Variants in DACH1 observed in about 807,000 individuals in gnomAD.
DACH1 encodes the protein dachshund homolog 1.
Under a neutral mutation model 54.2 loss-of-function variants are expected in DACH1, and 12 were observed. That is an observed-to-expected ratio of 0.22 (90% CI 0.14 to 0.36). The LOEUF is 0.36. Among genes scored for constraint, DACH1 ranks in the 10% least tolerant of loss-of-function variants. The probability of loss-of-function intolerance (pLI) is 1.00; values close to 1 mark genes in which losing one functional copy is unlikely to be tolerated. For missense variants in DACH1, 805 were observed against 929.8 expected (o/e 0.87, Z 1.75); for synonymous variants, 386 against 366.2 (o/e 1.05, Z -0.62).
chr13:71,702,523 C>A lies in DACH1; in HGVS notation c.849-20613G>T, dbSNP rs143782241. ...TAATTACTTTAAATTTATTTTTCCT[C>A]TACATTGAAGCAGAAAATATTGTCA... On this transcript the variant is annotated intron_variant, in intron 1 of 10. Coordinates refer to ENST00000613252, the MANE Select transcript of DACH1 (RefSeq NM_080759.6). Among the ~76,000 whole-genome samples, 309 of 152,142 alleles carry A rather than the reference C, an allele frequency of 2.0e-3. 1 individual carries two copies. The highest frequency in any genetic ancestry group is 0.014 in the Middle Eastern group (4 of 292).
intron 1 of DACH1, among the ~76,000 whole-genome samples, chr13:71,846,723 G>T (rs573172413): frequency 9.2e-5 from 14 of 152,256 alleles, no homozygotes; most frequent in South Asian, 4.1e-4. Context: ...GAGATTTCTT[G>T]GGTTCTATTA....
At chr13:71,544,730 C>A (rs936400420) in intron 6 of DACH1, among the ~76,000 whole-genome samples, 4 of 152,038 alleles carry the variant, frequency 2.6e-5, no homozygotes, top group Non-Finnish European at 5.9e-5. Context: ...CACTGAAGAT[C>A]CAGTTGTAAA....
chr13:71,578,840 T>C (rs923610504), intron 3 of DACH1, among the ~76,000 whole-genome samples: 4 of 152,126 alleles, frequency 2.6e-5, no homozygotes, highest in Non-Finnish European at 5.9e-5. Context: ...CATGTTTGAT[T>C]TGGAGGTTCT....
At chr13:71,598,504 C>T (rs933540973) in intron 3 of DACH1, among the ~76,000 whole-genome samples, 7 of 152,186 alleles carry the variant, frequency 4.6e-5, no homozygotes, top group African/African-American at 1.7e-4. Flanking sequence ...CCACCCACCT[C>T]AGCCTCCCAA....
chr13:71,544,348 T>C (rs2138340157), intron 6 of DACH1, among the ~76,000 whole-genome samples: 1 of 152,298 alleles, frequency 6.6e-6, no homozygotes, highest in East Asian at 1.9e-4. Context: ...TATCATTGAT[T>C]TTATTCAAAA....
In DACH1 at chr13:71,779,741, T is replaced by G. The variant is rs1269877270; in HGVS notation, c.848+86181A>C. On this transcript the variant is annotated intron_variant, in intron 1 of 10. Coordinates refer to ENST00000613252, the MANE Select transcript of DACH1 (RefSeq NM_080759.6). ...CTATTCCCAGATCTCTTCTTTGACA[T>G]CTTCAAAATTCAACAAAAAAGTTTC... is the stretch of plus-strand genomic sequence containing the variant. Among the ~76,000 whole-genome samples the G allele has an allele frequency of 3.3e-5, 5 of 152,048 alleles. No homozygotes were observed. In the East Asian group the frequency reaches 9.7e-4, roughly 29 times the overall value.
chr13:71,800,286 G>A (rs1387669749), intron 1 of DACH1, among the ~76,000 whole-genome samples: 1 of 152,068 alleles, frequency 6.6e-6, no homozygotes, highest in Admixed American at 6.6e-5. Flanking sequence ...TTGCAAAGAA[G>A]CAAAGGGGAA....
At chr13:71,723,085 T>C (rs1883301887) in intron 1 of DACH1, among the ~76,000 whole-genome samples, 1 of 151,980 alleles carries the variant, frequency 6.6e-6, no homozygotes, top group Non-Finnish European at 1.5e-5. Flanking sequence ...CATTTCTCTA[T>C]CCTAAATAAA....
chr13:71,629,924 C>T (rs575831895), intron 3 of DACH1, among the ~76,000 whole-genome samples: 3 of 151,878 alleles, frequency 2.0e-5, no homozygotes. Flanking sequence ...AATGAATTAC[C>T]CAAATGGATA....
intron 1 of DACH1, among the ~76,000 whole-genome samples, chr13:71,794,218 T>A (rs1005772815): frequency 2.0e-5 from 3 of 152,196 alleles, no homozygotes; most frequent in East Asian, 1.9e-4. Context: ...CAATCACATA[T>A]TCAATAAGTC....
chr13:71,816,976 G>A (rs1310686174), intron 1 of DACH1, among the ~76,000 whole-genome samples: 1 of 151,910 alleles, frequency 6.6e-6, no homozygotes, highest in Non-Finnish European at 1.5e-5. Flanking sequence ...TTGATGACTG[G>A]GTGATGAAAT....
At chr13:71,629,269 C>G (rs1876895862) in intron 3 of DACH1, among the ~76,000 whole-genome samples, 1 of 152,032 alleles carries the variant, frequency 6.6e-6, no homozygotes, top group Admixed American at 6.6e-5. Flanking sequence ...CAGATATTAT[C>G]CTTAGTCCTC....
chr13:71,813,911 T>C (rs1000603419), intron 1 of DACH1, among the ~76,000 whole-genome samples: 2 of 152,148 alleles, frequency 1.3e-5, no homozygotes, highest in African/African-American at 4.8e-5. Context: ...AATGCCAATT[T>C]GGGGGCAAAA....
chr13:71,833,466 G>T (rs1888668359), intron 1 of DACH1, among the ~76,000 whole-genome samples: 1 of 152,002 alleles, frequency 6.6e-6, no homozygotes, highest in South Asian at 2.1e-4. Context: ...CAACGATGTT[G>T]ATAGACTAAA....
Position 71,535,420 on chromosome 13 carries a change from A to C in DACH1, c.1570+21604T>G, listed in dbSNP as rs557106464. On this transcript the variant is annotated intron_variant, in intron 6 of 10. Coordinates refer to ENST00000613252, the MANE Select transcript of DACH1 (RefSeq NM_080759.6). ...ATTTGGAATGTTATTGTTAACCAAG[A>C]ACTCAAAAATAAAGAGTGATTGTGA... 3.9e-3 allele frequency among the ~76,000 whole-genome samples: 590 copies of C among 152,088 alleles called. 4 individuals are homozygous for C. The highest frequency in any genetic ancestry group is 6.6e-3 in the Non-Finnish European group (448 of 67,864).
chr13:71,610,031 A>G (rs957320238), intron 3 of DACH1, among the ~76,000 whole-genome samples: 2 of 152,192 alleles, frequency 1.3e-5, no homozygotes, highest in Admixed American at 1.3e-4. Flanking sequence ...TTTGTTCTAA[A>G]GTATGGCCAG....
chr13:71,605,385 A>G (rs1402638340), intron 3 of DACH1, among the ~76,000 whole-genome samples: 1 of 151,784 alleles, frequency 6.6e-6, no homozygotes, highest in Non-Finnish European at 1.5e-5. Context: ...GTTATTTTTA[A>G]TATCAAAAGA....
intron 6 of DACH1, among the ~76,000 whole-genome samples, chr13:71,541,573 T>C (rs1194823267): frequency 1.3e-5 from 2 of 152,124 alleles, no homozygotes; most frequent in African/African-American, 2.4e-5. Context: ...TGTATACATA[T>C]CTTATTCTAT....
At chr13:71,819,180 G>A (rs377716496) in intron 1 of DACH1, among the ~76,000 whole-genome samples, 1 of 152,202 alleles carries the variant, frequency 6.6e-6, no homozygotes, top group Non-Finnish European at 1.5e-5. Flanking sequence ...GTGTATTTTG[G>A]AAGAGGGATG....
Sources: gnomAD v4.1 joint callset for allele counts (sites outside exome capture counted in the v4.1 genomes callset) on GRCh38, gnomAD v4.1.1 for gene constraint, MANE v1.5 for transcripts, NCBI Gene and HGNC (gene_info 2026-07-23, HGNC 2026-07-21) for gene names.